GADL1: variants seen among roughly 807,000 people sequenced by gnomAD.
GADL1 encodes the protein GAD like acidic amino acid decarboxylase 1.
In GADL1, 71 loss-of-function variants were observed where a neutral mutation model predicts 69.5. That is an observed-to-expected ratio of 1.02 (90% CI 0.84 to 1.25). The LOEUF (loss-of-function observed/expected upper bound fraction) is 1.25. GADL1 is among the 50% of genes most tolerant of loss of function. The probability of loss-of-function intolerance (pLI) is 0.00; values close to 1 mark genes in which losing one functional copy is unlikely to be tolerated. For missense variants in GADL1, 737 were observed against 631.8 expected (o/e 1.17, Z -1.79); for synonymous variants, 254 against 214.4 (o/e 1.18, Z -1.62).
chr3:30,739,892 G>A (rs890595083), intron 14 of GADL1, among the ~76,000 whole-genome samples: 2 of 152,022 alleles, frequency 1.3e-5, no homozygotes, highest in African/African-American at 2.4e-5. Flanking sequence ...ATTAACCAAC[G>A]GTTTTTAAAA....
intron 14 of GADL1, among the ~76,000 whole-genome samples, chr3:30,766,731 C>T (rs866281938): frequency 3.3e-5 from 5 of 151,944 alleles, no homozygotes; most frequent in Admixed American, 3.3e-4. Context: ...GAGCAGGTGG[C>T]TCAGTCAGCT....
intron 6 of GADL1, among the ~76,000 whole-genome samples, chr3:30,846,583 A>T (rs1475630551): frequency 6.6e-6 from 1 of 152,192 alleles, no homozygotes; most frequent in Non-Finnish European, 1.5e-5. Context: ...CCTGGACTCC[A>T]GTGCTGACTA....
intron 14 of GADL1, among the ~76,000 whole-genome samples, chr3:30,748,073 A>T (rs1695735507): frequency 6.6e-6 from 1 of 152,202 alleles, no homozygotes; most frequent in African/African-American, 2.4e-5. Flanking sequence ...TGAAAAGTCC[A>T]CTTATTCTTG....
At chr3:30,844,094 T>C in intron 8 of GADL1, 116 bp downstream of exon 8, 3 of 748,068 alleles carry the variant, frequency 4.0e-6, no homozygotes, top group Non-Finnish European at 4.6e-6. Flanking sequence ...CTCCCACACA[T>C]AGAAATGGTT....
At chr3:30,797,318 T>C (rs1697055394) in intron 12 of GADL1, among the ~76,000 whole-genome samples, 1 of 152,194 alleles carries the variant, frequency 6.6e-6, no homozygotes, top group African/African-American at 2.4e-5. Flanking sequence ...AGACAGCTTG[T>C]TGCTCAGAAT....
chr3:30,765,288 T>C (rs1307542386), intron 14 of GADL1, among the ~76,000 whole-genome samples: 2 of 135,410 alleles, frequency 1.5e-5, no homozygotes, highest in African/African-American at 2.8e-5. Flanking sequence ...GATAAAAATA[T>C]GATCCTAGGT....
chr3:30,729,562 C>T (rs1410493015), intron 14 of GADL1, among the ~76,000 whole-genome samples: 3 of 152,124 alleles, frequency 2.0e-5, no homozygotes, highest in Non-Finnish European at 4.4e-5. Flanking sequence ...TGGGTTCCCA[C>T]GAGTCTCCCT....
intron 14 of GADL1, among the ~76,000 whole-genome samples, chr3:30,763,315 G>T (rs1222764693): frequency 4.6e-5 from 7 of 151,916 alleles, no homozygotes; most frequent in Admixed American, 3.9e-4. Context: ...TGGCTAACAC[G>T]GTGAAACCCC....
chr3:30,876,039 T>G (rs1476773919), intron 1 of GADL1, among the ~76,000 whole-genome samples: 4 of 151,996 alleles, frequency 2.6e-5, no homozygotes, highest in Non-Finnish European at 4.4e-5. Flanking sequence ...TTCTCCCTTA[T>G]GAATGTTTTC....
chr3:30,806,738 G>A (rs1351547334), intron 11 of GADL1, among the ~76,000 whole-genome samples: 4 of 152,180 alleles, frequency 2.6e-5, no homozygotes, highest in African/African-American at 9.7e-5. Context: ...GCTGAAAAGT[G>A]AGGGACAGCT....
intron 14 of GADL1, among the ~76,000 whole-genome samples, chr3:30,769,868 T>C (rs1001330595): frequency 2.9e-5 from 2 of 69,960 alleles, no homozygotes; most frequent in African/African-American, 1.9e-4. Context: ...GGAGCAAAGA[T>C]GAAGGGACAA....
intron 11 of GADL1, among the ~76,000 whole-genome samples, chr3:30,819,665 C>T (rs1158324495): frequency 6.6e-6 from 1 of 151,520 alleles, no homozygotes; most frequent in Non-Finnish European, 1.5e-5. Flanking sequence ...ATATTAATTA[C>T]ATAAATTTAA....
intron 14 of GADL1, among the ~76,000 whole-genome samples, chr3:30,745,313 C>T (rs928979452): frequency 6.6e-6 from 1 of 152,044 alleles, no homozygotes; most frequent in Non-Finnish European, 1.5e-5. Context: ...TTCAAACTTA[C>T]GGTAATGAAG....
chr3:30,807,907 CTG>C (rs1375668421), intron 11 of GADL1, among the ~76,000 whole-genome samples: 1 of 152,002 alleles, frequency 6.6e-6, no homozygotes. Flanking sequence ...TGGCACATGA[CTG>C]TAGTCCCAGC....
chr3:30,751,477 G>T (rs1695815800), intron 14 of GADL1, among the ~76,000 whole-genome samples: 1 of 150,576 alleles, frequency 6.6e-6, no homozygotes, highest in Non-Finnish European at 1.5e-5. Flanking sequence ...AACATTCCGA[G>T]AACCTGGGTA....
chr3:30,730,754 T>G (rs1399562748), intron 14 of GADL1, among the ~76,000 whole-genome samples: 1 of 152,294 alleles, frequency 6.6e-6, no homozygotes, highest in South Asian at 2.1e-4. Context: ...TGTATCACAT[T>G]ATTTTCTAGA....
chr3:30,842,289 T>A (rs1380173281), intron 8 of GADL1, among the ~76,000 whole-genome samples: 2 of 152,198 alleles, frequency 1.3e-5, no homozygotes, highest in African/African-American at 4.8e-5. Flanking sequence ...CAAGTACGTA[T>A]CCTTCATAAA....
At chr3:30,809,537 A>C (rs1697315786) in intron 11 of GADL1, among the ~76,000 whole-genome samples, 1 of 152,114 alleles carries the variant, frequency 6.6e-6, no homozygotes, top group Non-Finnish European at 1.5e-5. Flanking sequence ...TTTGATATTG[A>C]CTCAGCTATC....
chr3:30,823,348 C>T (rs1559352750), intron 11 of GADL1, among the ~76,000 whole-genome samples: 1 of 151,946 alleles, frequency 6.6e-6, no homozygotes, highest in African/African-American at 2.4e-5. Flanking sequence ...CTAAAGACTT[C>T]AGGAAACAAA....
Sources: gnomAD v4.1 joint callset for allele counts (sites outside exome capture counted in the v4.1 genomes callset) on GRCh38, gnomAD v4.1.1 for gene constraint, MANE v1.5 for transcripts, NCBI Gene and HGNC (gene_info 2026-07-23, HGNC 2026-07-21) for gene names.